Variants in LGSN observed in about 807,000 individuals in gnomAD.
The protein encoded by LGSN is lengsin.
Under a neutral mutation model 19.5 loss-of-function variants are expected in LGSN, and 21 were observed. That is an observed-to-expected ratio of 1.07 (90% CI 0.76 to 1.55). LGSN has a LOEUF of 1.55. Among genes scored for constraint, LGSN ranks in the 40% most tolerant of loss-of-function variants. The pLI, the probability that LGSN is intolerant of heterozygous loss-of-function variation, is 0.00. For missense variants in LGSN, 673 were observed against 608.5 expected (o/e 1.11, Z -1.12); for synonymous variants, 257 against 215.6 (o/e 1.19, Z -1.68).
At chr6:63,513,383 A>T in the LGSN span, among the ~76,000 whole-genome samples, 3 of 149,872 alleles carry the variant, frequency 2.0e-5, no homozygotes, top group South Asian at 6.3e-4. Context: ...AGTGTTATGG[A>T]GCCACACACA....
At chr6:63,438,420 C>A in the LGSN span, among the ~76,000 whole-genome samples, 4 of 152,094 alleles carry the variant, frequency 2.6e-5, no homozygotes, top group Non-Finnish European at 4.4e-5. Context: ...AACAGGCAAC[C>A]TACAGAATGG....
the LGSN span, among the ~76,000 whole-genome samples, chr6:63,455,596 A>T: frequency 6.6e-6 from 1 of 151,890 alleles, no homozygotes; most frequent in Admixed American, 6.6e-5. Context: ...CTCTACTATA[A>T]ATACAAAATT....
At chr6:63,404,673 G>C in the LGSN span, among the ~76,000 whole-genome samples, 1 of 151,932 alleles carries the variant, frequency 6.6e-6, no homozygotes. Context: ...CATTCATGAG[G>C]GGATCACCAA....
At chr6:63,566,308 A>G in the LGSN span, among the ~76,000 whole-genome samples, 7 of 152,224 alleles carry the variant, frequency 4.6e-5, no homozygotes, top group Admixed American at 2.6e-4. Flanking sequence ...CAGCAAGAGA[A>G]AAGGGATGTT....
the LGSN span, among the ~76,000 whole-genome samples, chr6:63,460,100 CTTTTTTTTTTTTTTTT>C: frequency 1.1e-4 from 6 of 56,098 alleles, no homozygotes; most frequent in South Asian, 1.8e-3. Flanking sequence ...ATTTCATTCC[CTTTTTTTTTTTTTTTT>C]TTTTTTTTTT....
chr6:63,307,748 G>C (rs1454762406), intron 1 of LGSN, among the ~76,000 whole-genome samples: 2 of 152,140 alleles, frequency 1.3e-5, no homozygotes, highest in Admixed American at 1.3e-4. Flanking sequence ...GAGGATTTCT[G>C]GTGGAAAGAT....
chr6:63,456,166 G>T, the LGSN span, among the ~76,000 whole-genome samples: 1 of 151,454 alleles, frequency 6.6e-6, no homozygotes, highest in African/African-American at 2.4e-5. Flanking sequence ...GGAGGTAAAG[G>T]TTGCAGTGAG....
the LGSN span, among the ~76,000 whole-genome samples, chr6:63,489,854 C>T: frequency 5.3e-5 from 8 of 151,940 alleles, no homozygotes; most frequent in East Asian, 1.9e-4. Context: ...AGATTACAGA[C>T]GCATGCCACC....
chr6:63,342,586 A>C, the LGSN span, among the ~76,000 whole-genome samples: 4 of 152,218 alleles, frequency 2.6e-5, no homozygotes, highest in Non-Finnish European at 4.4e-5. Context: ...ATGAACTTGA[A>C]CGTCAGTGTC....
chr6:63,478,444 G>A, the LGSN span, among the ~76,000 whole-genome samples: 1 of 151,826 alleles, frequency 6.6e-6, no homozygotes, highest in Non-Finnish European at 1.5e-5. Context: ...AACTCTTCAT[G>A]TATTGCTTTC....
chr6:63,567,909 G>C, the LGSN span, among the ~76,000 whole-genome samples: 1 of 152,176 alleles, frequency 6.6e-6, no homozygotes, highest in Non-Finnish European at 1.5e-5. Context: ...GTTAGGGAGA[G>C]GGCTTCTACT....
chr6:63,411,858 A>C, the LGSN span, among the ~76,000 whole-genome samples: 9 of 152,132 alleles, frequency 5.9e-5, no homozygotes, highest in Non-Finnish European at 1.3e-4. Flanking sequence ...AAAAAGAAAA[A>C]AAATTGTGCT....
At chr6:63,540,154 T>C in the LGSN span, among the ~76,000 whole-genome samples, 3 of 152,198 alleles carry the variant, frequency 2.0e-5, no homozygotes, top group Admixed American at 6.5e-5. Flanking sequence ...AGGATGATGA[T>C]GGAATCTGGT....
At chr6:63,501,946 C>T in the LGSN span, among the ~76,000 whole-genome samples, 1 of 152,188 alleles carries the variant, frequency 6.6e-6, no homozygotes, top group Non-Finnish European at 1.5e-5. Context: ...TAGGCACACA[C>T]CACCACATCC....
the LGSN span, among the ~76,000 whole-genome samples, chr6:63,483,522 C>A: frequency 2.0e-5 from 3 of 152,090 alleles, no homozygotes; most frequent in Non-Finnish European, 2.9e-5. Context: ...TGCACCACCA[C>A]GCCCGGCTAA....
the LGSN span, chr6:63,443,336 G>A: frequency 6.5e-6 from 1 of 153,750 alleles, no homozygotes; most frequent in Non-Finnish European, 1.4e-5. Context: ...ACACCTCCCT[G>A]CACGCAAAGG....
the LGSN span, among the ~76,000 whole-genome samples, chr6:63,473,948 G>A: frequency 2.7e-5 from 4 of 148,826 alleles, 1 homozygote; most frequent in Admixed American, 2.7e-4. Context: ...ATGCTCCATT[G>A]GCAGCCCTCA....
chr6:63,492,093 G>C, the LGSN span, among the ~76,000 whole-genome samples: 3 of 150,976 alleles, frequency 2.0e-5, no homozygotes, highest in Admixed American at 6.6e-5. Flanking sequence ...CAAATTATAC[G>C]AGCATCATTT....
chr6:63,350,487 C>A, the LGSN span, among the ~76,000 whole-genome samples: 1 of 152,190 alleles, frequency 6.6e-6, no homozygotes, highest in African/African-American at 2.4e-5. Context: ...AAATTTTTTA[C>A]TTTATTTCCA....
Sources: gnomAD v4.1 joint callset for allele counts (sites outside exome capture counted in the v4.1 genomes callset) on GRCh38, gnomAD v4.1.1 for gene constraint, MANE v1.5 for transcripts, NCBI Gene and HGNC (gene_info 2026-07-23, HGNC 2026-07-21) for gene names.